Variants in NRG1 observed in about 807,000 individuals in gnomAD.
NRG1 encodes the protein neuregulin 1, also known as pro-neuregulin-1, membrane-bound isoform.
NRG1 carries 18 observed loss-of-function variants against 63.8 expected under a neutral mutation model. The ratio of observed to expected loss-of-function variants is 0.28; its 90% CI spans 0.19 to 0.42. The LOEUF is 0.42. NRG1 is among the 10% of genes least tolerant of loss of function. NRG1 has a pLI of 1.00. For missense variants in NRG1, 762 were observed against 814.7 expected (o/e 0.94, Z 0.79); for synonymous variants, 302 against 301.3 (o/e 1.00, Z -0.02).
chr8:31,864,870 T>TG (rs1365641075), intron 1 of NRG1, among the ~76,000 whole-genome samples: 1 of 152,138 alleles, frequency 6.6e-6, no homozygotes, highest in Non-Finnish European at 1.5e-5. Flanking sequence ...AAGAATATGC[T>TG]GAAGTGTGTG....
At chr8:32,346,567 C>G (rs1470067676) in intron 1 of NRG1, among the ~76,000 whole-genome samples, 1 of 150,738 alleles carries the variant, frequency 6.6e-6, no homozygotes, top group Non-Finnish European at 1.5e-5. Flanking sequence ...AAAAAAAAAT[C>G]TATATTTATC....
chr8:32,175,854 C>A (rs1047201438), intron 1 of NRG1, among the ~76,000 whole-genome samples: 4 of 152,178 alleles, frequency 2.6e-5, no homozygotes, highest in African/African-American at 7.2e-5. Context: ...AATGGAAGAA[C>A]ATTCCATGCT....
chr8:32,011,781 A>G (rs1814797679), intron 1 of NRG1, among the ~76,000 whole-genome samples: 1 of 152,052 alleles, frequency 6.6e-6, no homozygotes, highest in South Asian at 2.1e-4. Context: ...TGCCTAGGAA[A>G]TTTACCTGGA....
chr8:32,725,095 C>T (rs1821738967), intron 5 of NRG1, among the ~76,000 whole-genome samples: 1 of 151,968 alleles, frequency 6.6e-6, no homozygotes, highest in African/African-American at 2.4e-5. Context: ...GCTTATGTCA[C>T]TGCTTTTTTT....
intron 1 of NRG1, among the ~76,000 whole-genome samples, chr8:32,199,985 G>T (rs1180916479): frequency 6.6e-6 from 1 of 152,036 alleles, no homozygotes; most frequent in Non-Finnish European, 1.5e-5. Context: ...CACCATGTTG[G>T]CCAGGCTGGT....
chr8:32,032,367 A>G lies in NRG1; in HGVS notation c.37+392936A>G, dbSNP rs566468605. Among the ~76,000 whole-genome samples, 10 of 152,178 alleles carry G rather than the reference A, an allele frequency of 6.6e-5. No homozygotes were observed. The East Asian group carries it at 1.9e-3, about 29-fold the overall frequency. On this transcript the variant is annotated intron_variant, in intron 1 of 10. Coordinates refer to the NRG1 transcript ENST00000519301. ...CAATCTCCACCTTCCAGCTTCAAGC[A>G]ATTCTCCTGCCTCAGCCTCCGAAGT...
intron 1 of NRG1, among the ~76,000 whole-genome samples, chr8:31,904,491 T>G (rs1403393667): frequency 6.6e-6 from 1 of 152,196 alleles, no homozygotes; most frequent in African/African-American, 2.4e-5. Flanking sequence ...AGTCAGTTTC[T>G]CAAAGAACAT....
At chr8:32,495,189 C>T (rs1025902177) in intron 1 of NRG1, among the ~76,000 whole-genome samples, 3 of 152,176 alleles carry the variant, frequency 2.0e-5, no homozygotes, top group Admixed American at 6.5e-5. Flanking sequence ...TCCCATAATT[C>T]GCACGTCATG....
At chr8:31,934,040 G>A (rs1288568237) in intron 1 of NRG1, among the ~76,000 whole-genome samples, 1 of 152,122 alleles carries the variant, frequency 6.6e-6, no homozygotes, top group Non-Finnish European at 1.5e-5. Context: ...TATAGTTGCT[G>A]CAACCAGAAA....
At chr8:32,711,213 T>C (rs1817714282) in intron 5 of NRG1, among the ~76,000 whole-genome samples, 2 of 151,850 alleles carry the variant, frequency 1.3e-5, no homozygotes, top group African/African-American at 4.8e-5. Flanking sequence ...TTTAACTTTT[T>C]TCAGCCTCAG....
intron 1 of NRG1, among the ~76,000 whole-genome samples, chr8:32,225,451 A>C (rs1215762053): frequency 1.3e-5 from 2 of 152,136 alleles, no homozygotes; most frequent in African/African-American, 2.4e-5. Flanking sequence ...AAACTATTTT[A>C]TGGGGCCACC....
chr8:32,067,949 A>G (rs1433030279), intron 1 of NRG1, among the ~76,000 whole-genome samples: 2 of 152,192 alleles, frequency 1.3e-5, no homozygotes, highest in Non-Finnish European at 2.9e-5. Flanking sequence ...GGCTGTTAGC[A>G]TCCTTTTTCA....
Position 32,716,679 on chromosome 8 carries a change from C to A in NRG1, c.503-11270C>A, listed in dbSNP as rs16879828. On this transcript the variant is annotated intron_variant, in intron 5 of 11. Coordinates refer to ENST00000356819, the Ensembl canonical transcript of NRG1. ...CAGGCAAGCTGAGATAAGGCCCTAA[C>A]CTTTGCTCTACTTTTCTTTTTATGA... Among the ~76,000 whole-genome samples, 558 of 152,266 alleles carry A rather than the reference C, an allele frequency of 3.7e-3. 3 individuals carry two copies. Among genetic ancestry groups the A allele is most frequent in the African/African-American group, 0.013 (540 of 41,540 alleles).
chr8:31,966,407 A>C (rs1806340626), intron 1 of NRG1, among the ~76,000 whole-genome samples: 1 of 152,232 alleles, frequency 6.6e-6, no homozygotes, highest in Non-Finnish European at 1.5e-5. Flanking sequence ...TGTGTAGAAA[A>C]ATACAAGAAT....
chr8:32,756,484 G>C, exon 9 of NRG1: 2 of 1,613,466 alleles, frequency 1.2e-6, no homozygotes, highest in Non-Finnish European at 1.7e-6. Flanking sequence ...TTGCCAATGG[G>C]CCTCACCATC....
intron 1 of NRG1, among the ~76,000 whole-genome samples, chr8:32,441,051 C>T (rs1317916160): frequency 1.3e-5 from 2 of 152,124 alleles, no homozygotes; most frequent in Non-Finnish European, 2.9e-5. Context: ...GGCAAATTTT[C>T]GTCAGTATAC....
At chr8:32,448,482 T>C (rs1326465744) in intron 1 of NRG1, among the ~76,000 whole-genome samples, 1 of 152,196 alleles carries the variant, frequency 6.6e-6, no homozygotes, top group African/African-American at 2.4e-5. Context: ...GGGATTGGAA[T>C]TACTCTTTTA....
intron 1 of NRG1, among the ~76,000 whole-genome samples, chr8:32,281,358 A>C (rs934868865): frequency 1.3e-5 from 2 of 151,040 alleles, no homozygotes; most frequent in African/African-American, 4.9e-5. Context: ...TTGTATTTTT[A>C]GTAGAGATGG....
intron 1 of NRG1, among the ~76,000 whole-genome samples, chr8:31,892,448 A>G (rs1831228504): frequency 6.6e-6 from 1 of 152,108 alleles, no homozygotes; most frequent in Non-Finnish European, 1.5e-5. Flanking sequence ...TCCGCAGATA[A>G]ATTGGTATCT....
Sources: allele counts gnomAD v4.1 joint callset (sites outside exome capture counted in the v4.1 genomes callset), GRCh38; gene constraint gnomAD v4.1.1; transcripts MANE v1.5; gene names NCBI Gene and HGNC (gene_info 2026-07-23, HGNC 2026-07-21).